Variants in GRIK4 observed in about 807,000 individuals in gnomAD.
GRIK4 encodes glutamate receptor ionotropic, kainate 4.
Under a neutral mutation model 104.9 loss-of-function variants are expected in GRIK4, and 40 were observed. The ratio of observed to expected loss-of-function variants is 0.38; its 90% CI spans 0.30 to 0.50. The LOEUF (loss-of-function observed/expected upper bound fraction) is 0.50. Among genes scored for constraint, GRIK4 ranks in the 20% least tolerant of loss-of-function variants. GRIK4 has a pLI of 0.93. For synonymous variants in GRIK4, 485 were observed against 524.9 expected (o/e 0.92, Z 1.04); for missense variants, 1,047 against 1,308.1 (o/e 0.80, Z 3.08).
chr11:120,838,979 G>A (rs367963119), intron 8 of GRIK4, among the ~76,000 whole-genome samples: 6 of 152,188 alleles, frequency 3.9e-5, no homozygotes, highest in South Asian at 2.1e-4. Context: ...TAGAGACGGC[G>A]TTTCACAACA....
intron 1 of GRIK4, among the ~76,000 whole-genome samples, chr11:120,598,712 C>T (rs1008265269): frequency 2.6e-5 from 4 of 152,194 alleles, no homozygotes; most frequent in Non-Finnish European, 5.9e-5. Flanking sequence ...GAGGCTCGCC[C>T]AGGCCTGACC....
intron 6 of GRIK4, among the ~76,000 whole-genome samples, chr11:120,823,233 T>G (rs1428640958): frequency 6.6e-6 from 1 of 152,186 alleles, no homozygotes; most frequent in Non-Finnish European, 1.5e-5. Context: ...CTGGCTTGCT[T>G]TTAGGCTGAG....
At chr11:120,682,222 A>G (rs1244889328) in intron 3 of GRIK4, among the ~76,000 whole-genome samples, 2 of 152,180 alleles carry the variant, frequency 1.3e-5, no homozygotes, top group African/African-American at 4.8e-5. Context: ...CAGGCTGGAA[A>G]GAAATGCATT....
chr11:120,852,938 C>T (rs1372991614), intron 8 of GRIK4, among the ~76,000 whole-genome samples: 8 of 152,234 alleles, frequency 5.3e-5, no homozygotes, highest in Admixed American at 2.6e-4. Flanking sequence ...GACCAGGCTG[C>T]CAATGGGGTG....
rs115614733 is a variant in GRIK4 at position 120,974,637 on chromosome 11, G to A, written c.2395+7314G>A. The stretch of plus-strand genomic sequence containing the variant: ...CCAAATTCCAGAGAAGAATCCTAAC[G>A]ATGTGGTGATGCCACCAATCCCGAG... On this transcript the variant is annotated intron_variant, in intron 19 of 20. Transcript: ENST00000527524. Among the ~76,000 whole-genome samples, 1,356 of 152,252 alleles carry A rather than the reference G, an allele frequency of 8.9e-3. 25 individuals are homozygous for A. The highest frequency in any genetic ancestry group is 0.031 in the African/African-American group (1,298 of 41,530).
chr11:120,551,212 G>T (rs2136095423), intron 1 of GRIK4, among the ~76,000 whole-genome samples: 1 of 152,266 alleles, frequency 6.6e-6, no homozygotes, highest in Admixed American at 6.5e-5. Flanking sequence ...GTTTGCTTTT[G>T]TATATGTATG....
chr11:120,772,153 T>G (rs1458441856), intron 3 of GRIK4, among the ~76,000 whole-genome samples: 2 of 152,222 alleles, frequency 1.3e-5, no homozygotes, highest in African/African-American at 4.8e-5. Context: ...CCCTAACAGG[T>G]CTAGCGGCCA....
intron 3 of GRIK4, among the ~76,000 whole-genome samples, chr11:120,715,602 G>A (rs1165730929): frequency 2.0e-5 from 3 of 151,516 alleles, no homozygotes; most frequent in South Asian, 2.1e-4. Flanking sequence ...CTAGACATTC[G>A]TTTTCCCCAC....
chr11:120,744,992 A>G (rs1457758997), intron 3 of GRIK4, among the ~76,000 whole-genome samples: 2 of 152,152 alleles, frequency 1.3e-5, no homozygotes, highest in Non-Finnish European at 2.9e-5. Context: ...TGGTAATTAA[A>G]TTTGTGTTTC....
In GRIK4 at chr11:120,951,197, C is replaced by G. The variant is rs546012870; in HGVS notation, c.1591-1658C>G. 4.0e-4 allele frequency among the ~76,000 whole-genome samples: 61 copies of G among 152,262 alleles called. No homozygotes were observed. In the South Asian group the frequency reaches 0.012, roughly 30 times the overall value. ...CAAAGAGGAAAGTAAAACTGCACCG[C>G]AGGCCCACCGGCTCCCTAAGAAGGA... On this transcript the variant is annotated intron_variant, in intron 14 of 20. Coordinates refer to ENST00000527524, the MANE Select transcript of GRIK4 (RefSeq NM_014619.5).
rs118021675 is a variant in GRIK4, at chr11:120,919,973, G to A, written c.1476+14480G>A. ...GAAGTCAGTAGGTAGGGGGAGTGAGGAAGGCTGGCAAGAGGCAGCACTGGG... is the reference window on the plus strand; with the variant it reads ...GAAGTCAGTAGGTAGGGGGAGTGAGAAAGGCTGGCAAGAGGCAGCACTGGG... On this transcript the variant is annotated intron_variant, in intron 13 of 20. Coordinates refer to ENST00000527524, the MANE Select transcript of GRIK4 (RefSeq NM_014619.5). Among the ~76,000 whole-genome samples, 884 of 152,192 alleles carry A rather than the reference G, an allele frequency of 5.8e-3. 6 individuals are homozygous for A. Among genetic ancestry groups the A allele is most frequent in the Middle Eastern group, 0.014 (4 of 294 alleles).
chr11:120,566,968 ATTTTTTTTTTT>A (rs572433053), intron 1 of GRIK4, among the ~76,000 whole-genome samples: 4 of 99,728 alleles, frequency 4.0e-5, no homozygotes, highest in Non-Finnish European at 5.8e-5. Flanking sequence ...CGGCCTCCTA[ATTTTTTTTTTT>A]TTTTTTTTTT....
intron 3 of GRIK4, among the ~76,000 whole-genome samples, chr11:120,747,089 C>T (rs1040932112): frequency 1.3e-5 from 2 of 152,210 alleles, no homozygotes; most frequent in Non-Finnish European, 1.5e-5. Context: ...CCTGAAATAA[C>T]AGGTGCGTGC....
chr11:120,795,106 C>T (rs1049206311), intron 3 of GRIK4, among the ~76,000 whole-genome samples: 10 of 152,194 alleles, frequency 6.6e-5, no homozygotes, highest in Non-Finnish European at 1.2e-4. Flanking sequence ...CCGGCTGAGC[C>T]AAACGGCCAC....
intron 2 of GRIK4, among the ~76,000 whole-genome samples, chr11:120,656,560 C>T (rs1307051400): frequency 6.6e-6 from 1 of 152,176 alleles, no homozygotes; most frequent in African/African-American, 2.4e-5. Context: ...GAGCCACTGT[C>T]ATGCTTAAAT....
intron 1 of GRIK4, among the ~76,000 whole-genome samples, chr11:120,609,451 A>G (rs1166627570): frequency 6.8e-6 from 1 of 146,496 alleles, no homozygotes; most frequent in African/African-American, 2.5e-5. Flanking sequence ...CCCTTTCCCA[A>G]AGGTAGCTTT....
At chr11:120,800,591 A>G (rs1353144443) in intron 3 of GRIK4, among the ~76,000 whole-genome samples, 1 of 152,186 alleles carries the variant, frequency 6.6e-6, no homozygotes, top group African/African-American at 2.4e-5. Context: ...CCAGAAGTCC[A>G]CTTGATTGCC....
intron 14 of GRIK4, among the ~76,000 whole-genome samples, chr11:120,948,820 T>C (rs895293841): frequency 2.0e-5 from 3 of 152,168 alleles, no homozygotes; most frequent in African/African-American, 7.2e-5. Flanking sequence ...AGAGTGAACA[T>C]ACATACAGCT....
At chr11:120,910,190 A>G (rs1462580895) in intron 13 of GRIK4, among the ~76,000 whole-genome samples, 1 of 152,242 alleles carries the variant, frequency 6.6e-6, no homozygotes, top group Non-Finnish European at 1.5e-5. Flanking sequence ...TGTATTGTTT[A>G]TAAATTGCTT....
Sources: gnomAD v4.1 joint callset for allele counts (sites outside exome capture counted in the v4.1 genomes callset) on GRCh38, gnomAD v4.1.1 for gene constraint, MANE v1.5 for transcripts, NCBI Gene and HGNC (gene_info 2026-07-23, HGNC 2026-07-21) for gene names.